Variants in SMTN observed in about 807,000 individuals in gnomAD.
The protein encoded by SMTN is smoothelin.
In SMTN, 58 loss-of-function variants were observed where a neutral mutation model predicts 102.0. The observed-to-expected ratio is 0.57, with a 90% confidence interval of 0.46 to 0.71. SMTN has a LOEUF of 0.71. Ranked by LOEUF, SMTN falls within the 30% of genes least tolerant of loss-of-function variation. SMTN has a pLI of 0.00. For missense variants in SMTN, 1,185 were observed against 1,241.7 expected, an observed-to-expected ratio of 0.95 and a Z score of 0.69; for synonymous variants, 478 against 497.9, an observed-to-expected ratio of 0.96 and a Z score of 0.53.
rs895303247 is a variant in SMTN at position 31,104,360 on chromosome 22, T to C, written c.*65T>C. 9 of 1,614,126 alleles carry C rather than the reference T, an allele frequency of 5.6e-6. No homozygotes were observed. The highest frequency in any genetic ancestry group is 7.6e-6 in the Non-Finnish European group (9 of 1,180,000). ...CCCCTGGTGGAGGTGGACGACATGA[T>C]GATCATGGGCAAGAAGCCTGACCCC... On this transcript the variant is annotated 3_prime_UTR_variant, in exon 21 of 21. Coordinates refer to ENST00000333137, the MANE Select transcript of SMTN (RefSeq NM_134269.3).
chr22:31,073,782 G>A (rs867315512), intron 1 of SMTN, among the ~76,000 whole-genome samples: 4 of 152,270 alleles, frequency 2.6e-5, no homozygotes, highest in East Asian at 1.9e-4. Context: ...AACAGCAACC[G>A]TTTTTTTAGC....
In SMTN at chr22:31,104,364, C is replaced by G; in HGVS notation, c.*69C>G. On this transcript the variant is annotated 3_prime_UTR_variant, in exon 21 of 21. Coordinates refer to ENST00000333137, the MANE Select transcript of SMTN (RefSeq NM_134269.3). ...TGGTGGAGGTGGACGACATGATGAT[C>G]ATGGGCAAGAAGCCTGACCCCAAGT... The G allele has an allele frequency of 6.2e-7, 1 of 1,614,198 alleles. No homozygotes were observed. The highest frequency in any genetic ancestry group is 8.5e-7 in the Non-Finnish European group (1 of 1,180,026).
chr22:31,085,977 G>A (rs1231476332), intron 2 of SMTN, among the ~76,000 whole-genome samples: 1 of 152,236 alleles, frequency 6.6e-6, no homozygotes, highest in African/African-American at 2.4e-5. Context: ...TGGGGACCTA[G>A]GAGACAAAAG....
chr22:31,088,887 G>A lies in SMTN; in HGVS notation c.389G>A (p.Gly130Glu). 6.2e-7 allele frequency: 1 copy of A among 1,613,970 alleles called. No homozygotes were observed. The highest frequency in any genetic ancestry group is 8.5e-7 in the Non-Finnish European group (1 of 1,180,008). The change falls in exon 6 of 21, where the codon GGG becomes GAG. Residue 130 changes from glycine to glutamate, a missense_variant. Coordinates refer to ENST00000333137, the MANE Select transcript of SMTN (RefSeq NM_134269.3). ...TCCCTTCCAGCTGCCACCTTGGCTG[G>A]GAGGTTGTACAGCGGGCGTCCCAAC... ...AQEIEAATLA[G>E]RLYSGRPNSG...
chr22:31,095,862 T>G lies in SMTN; in HGVS notation c.1861+253T>G. 1.9e-6 allele frequency: 1 copy of G among 537,708 alleles called. No homozygotes were observed. The highest frequency in any genetic ancestry group is 3.3e-6 in the Non-Finnish European group (1 of 301,986). The allele number at this position is 537,708 out of a possible 1,614,324, so 33.3% of individuals were successfully genotyped here. On this transcript the variant is annotated intron_variant, in intron 13 of 20. Transcript: ENST00000333137. The surrounding 1 kb of genome is among the most constrained non-coding windows in gnomAD (Gnocchi z 4.1). ...TCTTCTCCTTCCTAGACCCAGATAC[T>G]CCCTCCCGCAGCTACTCTCTCCTTG...
At chr22:31,082,604 G>A (rs932268267) in intron 1 of SMTN, 3 of 572,976 alleles carry the variant, frequency 5.2e-6, no homozygotes, top group Admixed American at 4.4e-5. Context: ...GGCAGGAGGT[G>A]CTGGGTGCCT....
chr22:31,068,441 A>T (rs1323379497), intron 1 of SMTN: 1 of 152,026 alleles, frequency 6.6e-6, no homozygotes, highest in Non-Finnish European at 1.5e-5. Flanking sequence ...TTTCCAAGAA[A>T]GACCTGAGGC....
chr22:31,088,317 A>G (rs2042856158), intron 3 of SMTN, 196 bp from the exon 4 acceptor site: 1 of 762,704 alleles, frequency 1.3e-6, no homozygotes, highest in African/African-American at 1.7e-5. Context: ...GTGCTGATGT[A>G]GCCAGCACGT....
intron 1 of SMTN, among the ~76,000 whole-genome samples, chr22:31,068,654 C>T (rs538570849): frequency 2.6e-5 from 4 of 152,312 alleles, no homozygotes; most frequent in Admixed American, 1.3e-4. Flanking sequence ...TTGTTCCACA[C>T]GTGTGTTGAG....
chr22:31,095,186 A>T lies in SMTN; in HGVS notation c.1633-117A>T. On this transcript the variant is annotated intron_variant, in intron 11 of 20. Transcript: ENST00000333137. This position sits in a 1 kb window ranked among gnomAD's most constrained non-coding sequence, Gnocchi z 4.1. ...CTTTGGGCAGGCAGGCTGGCAGGCT[A>T]GTGGTTATTTCCAAGGCGTGCCAGC... The T allele has an allele frequency of 2.0e-6, 2 of 1,014,630 alleles. No individual in the cohort carries two copies. Among genetic ancestry groups the T allele is most frequent in the Non-Finnish European group, 2.9e-6 (2 of 689,782 alleles). 62.9% of individuals were successfully genotyped at this position (1,014,630 alleles called of 1,614,324 possible).
At chr22:31,096,410 C>A (rs909515849) in intron 13 of SMTN, 4 of 265,676 alleles carry the variant, frequency 1.5e-5, no homozygotes, top group African/African-American at 2.2e-5. Flanking sequence ...CAGCTACCCC[C>A]TCACTAGATC....
Position 31,091,217 on chromosome 22 carries a change from AG to A in SMTN, c.1196del (p.Gly399GlufsTer2). 1 of 1,611,726 alleles carries A rather than the reference AG, an allele frequency of 6.2e-7. No homozygotes were observed. Among genetic ancestry groups the A allele is most frequent in the South Asian group, 1.1e-5 (1 of 90,928 alleles). On this transcript the variant is annotated frameshift_variant, in exon 10 of 21. Transcript: ENST00000333137. LOFTEE classifies it high-confidence loss of function. ...CCTCCCGGTTCAGCAAGGAGCAACGAGGAGTAGCCCAGCCCCTGGCCCAGCT... is the reference window on the plus strand; with the variant it reads ...CCTCCCGGTTCAGCAAGGAGCAACGAGAGTAGCCCAGCCCCTGGCCCAGCT... ...TSSRFSKEQR[G>X]VAQPLAQLRS...
At chr22:31,069,190 T>C (rs942048212) in intron 1 of SMTN, among the ~76,000 whole-genome samples, 1 of 152,156 alleles carries the variant, frequency 6.6e-6, no homozygotes, top group Admixed American at 6.5e-5. Context: ...ATACGTCTGA[T>C]TGAATCAACT....
intron 1 of SMTN, among the ~76,000 whole-genome samples, chr22:31,074,802 CAACAAA>C (rs942594793): frequency 6.6e-5 from 10 of 151,494 alleles, no homozygotes; most frequent in African/African-American, 2.4e-4. Flanking sequence ...TCTCAAAAAA[CAACAAA>C]AACAACAACA....
intron 20 of SMTN, chr22:31,104,103 C>A: frequency 1.7e-6 from 1 of 582,196 alleles, no homozygotes; most frequent in South Asian, 2.2e-5. Flanking sequence ...TCTCCGCCTC[C>A]ACCTGCCTAG....
chr22:31,101,195 T>C, intron 20 of SMTN, 146 bp downstream of exon 20: 4 of 744,422 alleles, frequency 5.4e-6, no homozygotes, highest in Non-Finnish European at 8.6e-6. Flanking sequence ...CTTCTGGCAG[T>C]TCAGGGCCCA....
rs148669277 is a variant in SMTN, at chr22:31,090,113, G to A, written c.798G>A (p.Leu266=). The A allele has an allele frequency of 1.4e-5, 23 of 1,612,222 alleles. 1 individual carries two copies. The East Asian group carries it at 3.6e-4, about 25-fold the overall frequency. Residue 266 remains leucine, a synonymous_variant, in exon 8 of 21, where the codon CTG becomes CTA. Coordinates refer to ENST00000333137, the MANE Select transcript of SMTN (RefSeq NM_134269.3). ...CCTGTTCTTCTCCCTTGCAGCTTCT[G>A]TCTGGCCCCAAAGAGACCCCTGCTG... ...STEGQVVNKL[L]SGPKETPAAQ...
In SMTN at chr22:31,083,083, C is replaced by G; in HGVS notation, c.-80-96C>G. 5 of 1,498,766 alleles carry G rather than the reference C, an allele frequency of 3.3e-6. No individual in the cohort carries two copies. In the South Asian group the frequency reaches 4.8e-5, roughly 15 times the overall value. 92.8% of individuals were successfully genotyped at this position (1,498,766 alleles called of 1,614,324 possible). On this transcript the variant is annotated intron_variant, in intron 1 of 20. Coordinates refer to ENST00000333137, the MANE Select transcript of SMTN (RefSeq NM_134269.3). ...CATTATAGGATGGGACAGTAATGGACGCTCCTAGGTTAGAGAGGGAAAGTA... is the reference window on the plus strand; with the variant it reads ...CATTATAGGATGGGACAGTAATGGAGGCTCCTAGGTTAGAGAGGGAAAGTA...
intron 18 of SMTN, 51 bp from the exon 19 acceptor site, chr22:31,099,694 G>A (rs1255658416): frequency 1.9e-6 from 3 of 1,596,768 alleles, no homozygotes. Flanking sequence ...GGGGTAGACA[G>A]CAGGGGGGAG....
Sources: gnomAD v4.1 joint callset for allele counts (sites outside exome capture counted in the v4.1 genomes callset) on GRCh38, gnomAD v4.1.1 for gene constraint, Gnocchi (gnomAD v3.1) non-coding constraint, MANE v1.5 for transcripts, NCBI Gene and HGNC (gene_info 2026-07-23, HGNC 2026-07-21) for gene names.